Variants in TRIP12 observed in about 807,000 individuals in gnomAD.
The protein encoded by TRIP12 is thyroid hormone receptor interactor 12.
TRIP12 carries 25 observed loss-of-function variants against 244.2 expected under a neutral mutation model. The ratio of observed to expected loss-of-function variants is 0.10; its 90% CI spans 0.07 to 0.14. The LOEUF (loss-of-function observed/expected upper bound fraction) is 0.14, where lower values mean the gene tolerates loss of function less well. Among genes scored for constraint, TRIP12 ranks in the 10% least tolerant of loss-of-function variants. The pLI is 1.00. For missense variants in TRIP12, 1,677 were observed against 2,486.4 expected, an observed-to-expected ratio of 0.67 and a Z score of 6.92; for synonymous variants, 905 against 873.1, an observed-to-expected ratio of 1.04 and a Z score of -0.64.
At chr2:229,882,319 C>CT (rs2065048453) in intron 1 of TRIP12, among the ~76,000 whole-genome samples, 1 of 152,138 alleles carries the variant, frequency 6.6e-6, no homozygotes, top group African/African-American at 2.4e-5. Context: ...ATAAAAATCA[C>CT]TGTCTATATG....
intron 8 of TRIP12, among the ~76,000 whole-genome samples, chr2:229,823,424 A>G (rs938935132): frequency 6.6e-6 from 1 of 152,094 alleles, no homozygotes; most frequent in Non-Finnish European, 1.5e-5. Flanking sequence ...CTGTAGTCCC[A>G]GCATTTTGAG....
At chr2:229,912,935 C>T (rs989309120) in intron 1 of TRIP12, among the ~76,000 whole-genome samples, 2 of 152,084 alleles carry the variant, frequency 1.3e-5, no homozygotes, top group Admixed American at 6.5e-5. Context: ...AGTGGCATGA[C>T]GCACTGCAGC....
At chr2:229,904,472 A>T (rs2072085203) in intron 1 of TRIP12, among the ~76,000 whole-genome samples, 1 of 152,080 alleles carries the variant, frequency 6.6e-6, no homozygotes, top group African/African-American at 2.4e-5. Flanking sequence ...GATTTTAACA[A>T]TTATGGTTAA....
rs199502835 is a variant in TRIP12, at chr2:229,864,138, G to GA, written c.99-3608dup. Among the ~76,000 whole-genome samples the GA allele has an allele frequency of 9.9e-3, 1,468 of 147,844 alleles. 18 individuals carry two copies. Among genetic ancestry groups the GA allele is most frequent in the African/African-American group, 0.034 (1,354 of 40,256 alleles). The stretch of plus-strand genomic sequence containing the variant: ...TCTATAACAACATATGGGTATTCCT[G>GA]AAAAAAAAACTCATGTCTCTGCAAA... On this transcript the variant is annotated intron_variant, in intron 2 of 41. Transcript: ENST00000675903.
intron 18 of TRIP12, among the ~76,000 whole-genome samples, chr2:229,804,683 G>C (rs1467287981): frequency 6.6e-6 from 1 of 152,162 alleles, no homozygotes; most frequent in Non-Finnish European, 1.5e-5. Context: ...TAACTGATAA[G>C]CAGTAAGTTA....
chr2:229,876,822 C>T (rs1223781869), intron 2 of TRIP12, among the ~76,000 whole-genome samples: 2 of 152,024 alleles, frequency 1.3e-5, no homozygotes, highest in Non-Finnish European at 2.9e-5. Context: ...TTCCACTGTG[C>T]GCAGCTAATT....
chr2:229,878,171 G>C (rs2063994453), intron 2 of TRIP12, among the ~76,000 whole-genome samples: 1 of 152,152 alleles, frequency 6.6e-6, no homozygotes, highest in African/African-American at 2.4e-5. Context: ...ACACACAAAG[G>C]CTGGGCGCGG....
chr2:229,801,518 G>C (rs1475427114), intron 21 of TRIP12, among the ~76,000 whole-genome samples: 1 of 152,092 alleles, frequency 6.6e-6, no homozygotes, highest in East Asian at 1.9e-4. Flanking sequence ...GTACTGAAGT[G>C]AATACATACT....
chr2:229,802,537 A>C (rs1156286707), intron 20 of TRIP12, 78 bp from the exon 21 acceptor site: 2 of 1,087,024 alleles, frequency 1.8e-6, no homozygotes, highest in Non-Finnish European at 2.7e-6. Flanking sequence ...AAAATCCCTA[A>C]ATACCAACAC....
At chr2:229,836,560 T>A (rs556392241) in intron 6 of TRIP12, among the ~76,000 whole-genome samples, 5 of 152,322 alleles carry the variant, frequency 3.3e-5, no homozygotes, top group African/African-American at 1.2e-4. Flanking sequence ...TTACTATGAA[T>A]TTAAATTCTT....
At chr2:229,861,105 G>A (rs2060408455) in intron 2 of TRIP12, among the ~76,000 whole-genome samples, 1 of 152,130 alleles carries the variant, frequency 6.6e-6, no homozygotes, top group South Asian at 2.1e-4. Context: ...TCAACATAGT[G>A]ATACTTGCTA....
At chr2:229,878,658 G>C (rs1489016108) in intron 2 of TRIP12, among the ~76,000 whole-genome samples, 3 of 150,278 alleles carry the variant, frequency 2.0e-5, no homozygotes, top group African/African-American at 4.9e-5. Context: ...CTCGCTCACT[G>C]CAAGCTCCGC....
rs2045231876 is a variant in TRIP12, at chr2:229,804,214, C to T, written c.2664G>A (p.Glu888=). Residue 888 remains glutamate, a synonymous_variant, in exon 19 of 42, where the codon GAG becomes GAA. Coordinates refer to ENST00000675903, the MANE Select transcript of TRIP12 (RefSeq NM_001348323.3). ...GTGCTCGAGCATCATCCTTCTTTGACTCTGAATATCCACCTATTACATTAA... is the reference window on the plus strand; with the variant it reads ...GTGCTCGAGCATCATCCTTCTTTGATTCTGAATATCCACCTATTACATTAA... The part of the protein sequence containing the change: ...LANSNTSGYS[E]SKKDDARAQL... 2 of 1,612,878 alleles carry T rather than the reference C, an allele frequency of 1.2e-6. No homozygotes were observed. The highest frequency in any genetic ancestry group is 1.7e-6 in the Non-Finnish European group (2 of 1,179,638).
chr2:229,838,766 T>C (rs908122839), intron 5 of TRIP12, among the ~76,000 whole-genome samples: 2 of 152,220 alleles, frequency 1.3e-5, no homozygotes, highest in African/African-American at 2.4e-5. Context: ...AAAGTTGCTA[T>C]GCAACCTCAA....
chr2:229,902,200 A>G (rs1349331836), intron 1 of TRIP12, among the ~76,000 whole-genome samples: 3 of 152,128 alleles, frequency 2.0e-5, no homozygotes, highest in African/African-American at 7.2e-5. Flanking sequence ...CCTGGCCAAC[A>G]TAGTGAAACC....
intron 33 of TRIP12, among the ~76,000 whole-genome samples, chr2:229,786,564 A>ATTTT (rs34969936): frequency 3.8e-5 from 3 of 78,004 alleles, no homozygotes; most frequent in Admixed American, 1.7e-4. Context: ...CGCCCAGATA[A>ATTTT]TTTTTTTTTT....
intron 21 of TRIP12, among the ~76,000 whole-genome samples, chr2:229,801,250 A>T (rs1193460018): frequency 3.3e-5 from 5 of 152,192 alleles, no homozygotes; most frequent in Non-Finnish European, 7.4e-5. Flanking sequence ...TAAACTCAGC[A>T]GTTTCCTAAA....
chr2:229,880,002 T>G lies in TRIP12; in HGVS notation c.78A>C (p.Gln26His), dbSNP rs1046355070. Residue 26 changes from glutamine (Q) to histidine (H), a missense_variant, in exon 2 of 42, where the codon CAA becomes CAC. This residue lies in a region of TRIP12 where 387 missense variants were observed against 392.6 expected (regional missense o/e 0.99). Transcript: ENST00000675903. ...SQRNTAGAQP[Q>H]DDSIGGRSHL... ...CATACCTTCCTCCTATTGAGTCGTC[T>G]TGTGGTTGGGCCCCGGCAGTGTTCC... is the stretch of plus-strand genomic sequence containing the variant. 6 of 1,614,074 alleles carry G rather than the reference T, an allele frequency of 3.7e-6. No individual in the cohort carries two copies. The Admixed American group carries it at 5.0e-5, about 13-fold the overall frequency.
chr2:229,788,916 G>T lies in TRIP12; in HGVS notation c.4720C>A (p.Pro1574Thr). The change falls in exon 32 of 42, where the codon CCA (proline) becomes ACA (threonine). Residue 1574 changes from proline (P) to threonine (T), a missense_variant. Around this residue, in one of 11 missense-constraint regions of TRIP12, gnomAD observed 265 missense variants for 370.8 expected, o/e 0.71. Coordinates refer to ENST00000675903, the MANE Select transcript of TRIP12 (RefSeq NM_001348323.3). ...YDNAMCKEIIPTSEFINSKLT... is the reference protein window; with the variant it reads ...YDNAMCKEIITTSEFINSKLT... ...TTACTGTTAATAAATTCACTAGTTG[G>T]AATAATTTCCTTGCACATTGCATTC... 1 of 1,611,822 alleles carries T rather than the reference G, an allele frequency of 6.2e-7. No individual in the cohort carries two copies. The highest frequency in any genetic ancestry group is 8.5e-7 in the Non-Finnish European group (1 of 1,179,060).
Sources: allele counts gnomAD v4.1 joint callset (sites outside exome capture counted in the v4.1 genomes callset), GRCh38; gene constraint gnomAD v4.1.1; regional missense constraint gnomAD v4.1.1; transcripts MANE v1.5; gene names NCBI Gene and HGNC (gene_info 2026-07-23, HGNC 2026-07-21).